Variants in ANO5 observed in about 807,000 individuals in gnomAD.
ANO5 encodes anoctamin 5, also known as anoctamin-5.
ANO5 carries 109 observed loss-of-function variants against 121.0 expected under a neutral mutation model. The observed-to-expected ratio is 0.90, with a 90% CI of 0.77 to 1.06. ANO5 has a LOEUF of 1.06. Ranked by LOEUF, ANO5 falls within the 50% of genes least tolerant of loss-of-function variation. The pLI is 0.00. For missense variants in ANO5, 1,064 were observed against 1,078.5 expected (o/e 0.99, Z 0.19); for synonymous variants, 406 against 359.9 (o/e 1.13, Z -1.45).
Position 22,250,813 on chromosome 11 carries a change from T to C in ANO5, c.1086T>C (p.Tyr362=), listed in dbSNP as rs139639078. The change falls in exon 11 of 22, where the codon TAT becomes TAC. Residue 362 remains tyrosine, a synonymous_variant. Transcript: ENST00000324559. ...MCPLCDQVCD[Y]WRLNSTCLAS... ...CACTCTGTGATCAAGTGTGTGATTATTGGAGACTAAATAGTACGTGTTTGG... is the reference window on the plus strand; with the variant it reads ...CACTCTGTGATCAAGTGTGTGATTACTGGAGACTAAATAGTACGTGTTTGG... 10 of 1,614,086 alleles carry C rather than the reference T, an allele frequency of 6.2e-6. No homozygotes were observed. Among genetic ancestry groups the C allele is most frequent in the African/African-American group, 4.0e-5 (3 of 75,052 alleles).
intron 8 of ANO5, 130 bp from the exon 9 acceptor site, chr11:22,239,439 T>G (rs1354694596): frequency 1.5e-6 from 1 of 684,850 alleles, no homozygotes; most frequent in African/African-American, 1.8e-5. Context: ...TCACATCAAT[T>G]GAATATGAAA....
intron 2 of ANO5, among the ~76,000 whole-genome samples, chr11:22,208,486 G>A (rs767721890): frequency 1.3e-5 from 2 of 151,954 alleles, no homozygotes; most frequent in Non-Finnish European, 2.9e-5. Context: ...TATACAGATG[G>A]AGAACAAATT....
At chr11:22,269,786 T>C (rs890631208) in intron 17 of ANO5, among the ~76,000 whole-genome samples, 4 of 152,210 alleles carry the variant, frequency 2.6e-5, no homozygotes, top group South Asian at 4.1e-4. Context: ...ATTGATTTGC[T>C]AATTTTTCTT....
At position 22,274,693 on chromosome 11, in the gene ANO5, C is replaced by T; in HGVS notation, c.2360C>T (p.Ala787Val). The change falls in exon 20 of 22, where the codon GCT becomes GTT. Residue 787 changes from alanine (A) to valine (V), a missense_variant. Physicochemically the swap from Ala to Val is moderately conservative, Grantham distance 64 (BLOSUM62 0). Transcript: ENST00000324559. ...AATAGCCTGTCAGTATTCCTGATAG[C>T]TGATTTTCCAAACCACACTGCACCT... ...VNNSLSVFLI[A>V]DFPNHTAPSE... 4 of 1,613,628 alleles carry T rather than the reference C, an allele frequency of 2.5e-6. No homozygotes were observed. The highest frequency in any genetic ancestry group is 3.4e-6 in the Non-Finnish European group (4 of 1,179,672).
At chr11:22,274,252 A>G (rs1854746273) in intron 19 of ANO5, among the ~76,000 whole-genome samples, 1 of 151,972 alleles carries the variant, frequency 6.6e-6, no homozygotes, top group Non-Finnish European at 1.5e-5. Context: ...AGATAGTAGA[A>G]CTGTGCTGTG....
intron 14 of ANO5, among the ~76,000 whole-genome samples, chr11:22,259,026 A>C (rs1854097941): frequency 6.6e-6 from 1 of 151,774 alleles, no homozygotes; most frequent in South Asian, 2.1e-4. Flanking sequence ...CCATCTACTA[A>C]GGAGGCTGAG....
chr11:22,212,401 A>G (rs565067368), intron 3 of ANO5, among the ~76,000 whole-genome samples: 1 of 152,108 alleles, frequency 6.6e-6, no homozygotes, highest in East Asian at 1.9e-4. Context: ...GCTATTACAA[A>G]TGTTGCTAAA....
chr11:22,264,318 C>T (rs1854291078), intron 17 of ANO5, among the ~76,000 whole-genome samples: 1 of 152,022 alleles, frequency 6.6e-6, no homozygotes, highest in Middle Eastern at 3.2e-3. Flanking sequence ...AGCCACCATG[C>T]CTGGCCCCCA....
At position 22,257,690 on chromosome 11, in the gene ANO5, C is replaced by A; in HGVS notation, c.1343C>A (p.Pro448His). 6.2e-7 allele frequency: 1 copy of A among 1,611,182 alleles called. No homozygotes were observed. The highest frequency in any genetic ancestry group is 2.2e-5 in the East Asian group (1 of 44,820). The change falls in exon 14 of 22, where the codon CCT becomes CAT. Residue 448 changes from proline to histidine, a missense_variant. By Grantham distance (77) the Pro-to-His change is moderately conservative. Coordinates refer to ENST00000324559, the MANE Select transcript of ANO5 (RefSeq NM_213599.3). ...TCTTCAATATTACAGGAGATGGAAC[C>A]TTACATGCCTCTATACACGCGTATT... ...KLNAVTKEME[P>H]YMPLYTRIPW...
intron 1 of ANO5, among the ~76,000 whole-genome samples, chr11:22,201,993 T>C (rs1851979051): frequency 6.6e-6 from 1 of 152,050 alleles, no homozygotes; most frequent in Non-Finnish European, 1.5e-5. Flanking sequence ...TATAAGGATC[T>C]GAAAGGAGAC....
At chr11:22,232,722 G>A (rs982291801) in intron 7 of ANO5, among the ~76,000 whole-genome samples, 3 of 151,888 alleles carry the variant, frequency 2.0e-5, no homozygotes, top group Non-Finnish European at 2.9e-5. Flanking sequence ...TAGTCAGTCA[G>A]GTTGCACCAA....
At chr11:22,198,416 T>G (rs1851872157) in intron 1 of ANO5, among the ~76,000 whole-genome samples, 1 of 152,136 alleles carries the variant, frequency 6.6e-6, no homozygotes. Flanking sequence ...AAGCTGTAAT[T>G]TTAAAGGTTA....
In ANO5 at chr11:22,236,260, C is replaced by T. The variant is rs1278466363; in HGVS notation, c.746C>T (p.Ala249Val). The change falls in exon 8 of 22, where the codon GCC becomes GTC. Residue 249 changes from alanine (A) to valine (V), a missense_variant. By Grantham distance (64) the Ala-to-Val change is moderately conservative. Transcript: ENST00000324559. ...CTAAACTCTAACACTTACTCATCTGCCTATCCACTCCATGATGTATGTATA... is the reference window on the plus strand; with the variant it reads ...CTAAACTCTAACACTTACTCATCTGTCTATCCACTCCATGATGTATGTATA... Reference protein sequence around the residue: ...RLLNSNTYSSAYPLHDGQYWK... With the variant: ...RLLNSNTYSSVYPLHDGQYWK... The T allele has an allele frequency of 3.7e-6, 6 of 1,610,458 alleles. No individual in the cohort carries two copies. The highest frequency in any genetic ancestry group is 5.1e-6 in the Non-Finnish European group (6 of 1,177,168).
chr11:22,200,751 T>C (rs988768040), intron 1 of ANO5, among the ~76,000 whole-genome samples: 1 of 152,144 alleles, frequency 6.6e-6, no homozygotes, highest in Non-Finnish European at 1.5e-5. Context: ...AAACTTTAAA[T>C]ACAAAATAAA....
intron 5 of ANO5, among the ~76,000 whole-genome samples, chr11:22,224,142 T>G (rs573962604): frequency 2.8e-4 from 43 of 152,176 alleles, no homozygotes; most frequent in African/African-American, 1.0e-3. Context: ...CCTAAATCAC[T>G]TATTATTAAA....
intron 15 of ANO5, among the ~76,000 whole-genome samples, 177 bp downstream of exon 15, chr11:22,259,918 G>A (rs1854136838): frequency 6.8e-6 from 1 of 147,378 alleles, no homozygotes; most frequent in Non-Finnish European, 1.5e-5. Flanking sequence ...ACCATTCAAG[G>A]TCCATTATAA....
At position 22,214,712 on chromosome 11, in the gene ANO5, C is replaced by T. The variant is rs151290312; in HGVS notation, c.138+3398C>T. On this transcript the variant is annotated intron_variant, in intron 3 of 21. Transcript: ENST00000324559. The stretch of plus-strand genomic sequence containing the variant: ...ACACTATCTATTCTTTCCAATCATT[C>T]GTGAGAAGCAAGAGGTCAAGGGAGC... Among the ~76,000 whole-genome samples the T allele has an allele frequency of 3.9e-3, 594 of 151,960 alleles. 5 individuals are homozygous for T. Among genetic ancestry groups the T allele is most frequent in the African/African-American group, 0.013 (558 of 41,478 alleles).
At position 22,279,759 on chromosome 11, in the gene ANO5, A is replaced by T; in HGVS notation, c.2736A>T (p.Thr912=). ...EENKAQLAKS[T]L The stretch of plus-strand genomic sequence containing the variant: ...ACAAAGCACAGCTGGCTAAATCAAC[A>T]CTCTAATCAGTATAGTGAGGAAGCA... The change falls in exon 22 of 22, where the codon ACA becomes ACT. Residue 912 remains threonine (T), a synonymous_variant. Transcript: ENST00000324559. 2 of 1,610,912 alleles carry T rather than the reference A, an allele frequency of 1.2e-6. No individual in the cohort carries two copies. Among genetic ancestry groups the T allele is most frequent in the Non-Finnish European group, 1.7e-6 (2 of 1,178,114 alleles).
At chr11:22,277,510 G>C (rs1266208218) in intron 21 of ANO5, among the ~76,000 whole-genome samples, 1 of 151,440 alleles carries the variant, frequency 6.6e-6, no homozygotes, top group African/African-American at 2.4e-5. Context: ...TTGATTAAGA[G>C]ATTTTATATA....
Sources: allele counts gnomAD v4.1 joint callset (sites outside exome capture counted in the v4.1 genomes callset), GRCh38; gene constraint gnomAD v4.1.1; transcripts MANE v1.5; gene names NCBI Gene and HGNC (gene_info 2026-07-23, HGNC 2026-07-21).